Variants in UGGT2 observed in about 807,000 individuals in gnomAD.
The protein encoded by UGGT2 is UDP-glucose glycoprotein glucosyltransferase 2.
UGGT2 carries 180 observed loss-of-function variants against 192.1 expected under a neutral mutation model. The ratio of observed to expected loss-of-function variants is 0.94; its 90% CI spans 0.83 to 1.06. The LOEUF is 1.06. Ranked by LOEUF, UGGT2 falls within the 50% of genes least tolerant of loss-of-function variation. The pLI is 0.00. For missense variants in UGGT2, 1,849 were observed against 1,795.7 expected, an observed-to-expected ratio of 1.03 and a Z score of -0.54; for synonymous variants, 580 against 591.0, an observed-to-expected ratio of 0.98 and a Z score of 0.27.
intron 2 of UGGT2, among the ~76,000 whole-genome samples, chr13:96,030,650 T>C (rs2052805227): frequency 6.6e-6 from 1 of 152,178 alleles, no homozygotes; most frequent in Non-Finnish European, 1.5e-5. Context: ...AACAAAATAA[T>C]AAACTATTTT....
chr13:95,849,878 T>C (rs375253760), intron 36 of UGGT2, among the ~76,000 whole-genome samples: 4 of 149,170 alleles, frequency 2.7e-5, no homozygotes, highest in South Asian at 2.1e-4. Context: ...ATTAATTATA[T>C]ATTAACCTTT....
At chr13:95,837,240 T>C in intron 36 of UGGT2, 38 bp from the exon 37 acceptor site, 2 of 1,434,378 alleles carry the variant, frequency 1.4e-6, no homozygotes, top group African/African-American at 2.8e-5. Context: ...ACGTATGAAA[T>C]TTAGAGTCAG....
chr13:95,814,223 C>T (rs918397908), intron 38 of UGGT2, among the ~76,000 whole-genome samples: 3 of 152,160 alleles, frequency 2.0e-5, no homozygotes, highest in Non-Finnish European at 2.9e-5. Context: ...AACAGTAGAT[C>T]CACTGGCAGC....
intron 17 of UGGT2, among the ~76,000 whole-genome samples, chr13:95,930,927 A>T (rs1307890784): frequency 1.3e-5 from 2 of 152,122 alleles, no homozygotes; most frequent in East Asian, 3.9e-4. Context: ...GGACCCAAAG[A>T]CTGAGCAGCA....
chr13:95,859,741 C>A (rs546330671), intron 32 of UGGT2, 66 bp from the exon 33 acceptor site: 6 of 1,190,818 alleles, frequency 5.0e-6, no homozygotes, highest in East Asian at 5.4e-5. Context: ...TATTTTTTAA[C>A]CTTGAAGTGT....
At chr13:95,857,694 C>G (rs1889751118) in intron 33 of UGGT2, among the ~76,000 whole-genome samples, 1 of 152,036 alleles carries the variant, frequency 6.6e-6, no homozygotes, top group South Asian at 2.1e-4. Context: ...TGTTATATTT[C>G]ACTAAGAAGT....
chr13:95,985,407 C>T (rs1051433051), intron 9 of UGGT2: 2 of 427,950 alleles, frequency 4.7e-6, no homozygotes, highest in East Asian at 7.5e-5. Context: ...TTGTAGCCAA[C>T]CATGTACTAT....
chr13:96,001,502 T>TCAA (rs2051803812), intron 5 of UGGT2, among the ~76,000 whole-genome samples: 1 of 152,190 alleles, frequency 6.6e-6, no homozygotes, highest in Non-Finnish European at 1.5e-5. Context: ...ACAGCCTTGT[T>TCAA]GCTCACACAA....
intron 17 of UGGT2, among the ~76,000 whole-genome samples, chr13:95,936,210 G>A (rs2049457891): frequency 6.6e-6 from 1 of 152,126 alleles, no homozygotes; most frequent in Admixed American, 6.5e-5. Context: ...CTCCTGCTTG[G>A]TCCAGTCTAT....
chr13:96,030,987 A>G (rs144932772), intron 2 of UGGT2, among the ~76,000 whole-genome samples: 1 of 152,360 alleles, frequency 6.6e-6, no homozygotes, highest in East Asian at 1.9e-4. Context: ...GTCAGTATAC[A>G]TTAGTCCAAA....
intron 16 of UGGT2, 53 bp downstream of exon 16, chr13:95,939,904 T>C: frequency 7.3e-7 from 1 of 1,367,840 alleles, no homozygotes; most frequent in Non-Finnish European, 1.0e-6. Flanking sequence ...GATCATGTGG[T>C]GTTTGTCTTT....
intron 1 of UGGT2, among the ~76,000 whole-genome samples, chr13:96,049,068 A>G (rs2053408181): frequency 6.6e-6 from 1 of 152,254 alleles, no homozygotes; most frequent in Non-Finnish European, 1.5e-5. Flanking sequence ...ATGAACATCA[A>G]TGCAAAAACC....
chr13:95,825,441 C>T (rs900402290), intron 38 of UGGT2, among the ~76,000 whole-genome samples: 3 of 152,136 alleles, frequency 2.0e-5, no homozygotes, highest in Non-Finnish European at 4.4e-5. Context: ...GAAAGCTATC[C>T]AACTCCCAGA....
At chr13:96,044,880 A>G (rs1328708246) in intron 1 of UGGT2, among the ~76,000 whole-genome samples, 1 of 152,188 alleles carries the variant, frequency 6.6e-6, no homozygotes, top group Non-Finnish European at 1.5e-5. Flanking sequence ...AAAAACGTCC[A>G]GGACCAGACA....
intron 34 of UGGT2, among the ~76,000 whole-genome samples, chr13:95,854,755 G>A (rs1378293336): frequency 1.3e-5 from 2 of 151,982 alleles, no homozygotes; most frequent in African/African-American, 4.8e-5. Flanking sequence ...GTCATTTTAC[G>A]AATCAGACAT....
chr13:95,962,470 T>TA (rs1225000964), intron 12 of UGGT2, among the ~76,000 whole-genome samples: 1 of 152,002 alleles, frequency 6.6e-6, no homozygotes, highest in Non-Finnish European at 1.5e-5. Context: ...TTCCTGGACA[T>TA]ATACAACACA....
intron 4 of UGGT2, among the ~76,000 whole-genome samples, chr13:96,022,054 C>T (rs2052530183): frequency 6.6e-6 from 1 of 151,984 alleles, no homozygotes; most frequent in Admixed American, 6.6e-5. Context: ...AAGAAATCCT[C>T]CTGTCAGAAA....
At position 95,880,576 on chromosome 13, in the gene UGGT2, G is replaced by C. The variant is rs537601987; in HGVS notation, c.3229-2720C>G. ...GGTAGTGTAGTCTTCCTTTATCTGT[G>C]GTTTCTCTTTGTACAGTTTGTTATC... On this transcript the variant is annotated intron_variant, in intron 27 of 38. Transcript: ENST00000376747. Among the ~76,000 whole-genome samples the C allele has an allele frequency of 2.0e-5, 3 of 152,244 alleles. No individual in the cohort carries two copies. The East Asian group carries it at 5.8e-4, about 29-fold the overall frequency.
intron 12 of UGGT2, among the ~76,000 whole-genome samples, chr13:95,951,103 CAG>C (rs1288925216): frequency 3.9e-5 from 6 of 152,060 alleles, no homozygotes; most frequent in Admixed American, 6.6e-5. Flanking sequence ...GAAAAGGTGA[CAG>C]AATTAAGAGA....
Sources: allele counts gnomAD v4.1 joint callset (sites outside exome capture counted in the v4.1 genomes callset), GRCh38; gene constraint gnomAD v4.1.1; transcripts MANE v1.5; gene names NCBI Gene and HGNC (gene_info 2026-07-23, HGNC 2026-07-21).